Variants in DLGAP2 observed in about 807,000 individuals in gnomAD.
DLGAP2 encodes the protein DLG associated protein 2.
Under a neutral mutation model 100.3 loss-of-function variants are expected in DLGAP2, and 26 were observed. The ratio of observed to expected loss-of-function variants is 0.26; its 90% CI spans 0.19 to 0.36. DLGAP2 has a LOEUF of 0.36. Among genes scored for constraint, DLGAP2 ranks in the 10% least tolerant of loss-of-function variants. The probability of loss-of-function intolerance (pLI) is 1.00; values close to 1 mark genes in which losing one functional copy is unlikely to be tolerated. For missense variants in DLGAP2, 1,858 were observed against 1,453.2 expected, an observed-to-expected ratio of 1.28 and a Z score of -4.53; for synonymous variants, 886 against 630.1, an observed-to-expected ratio of 1.41 and a Z score of -6.08.
chr8:1,051,142 C>T (rs1033206007), intron 2 of DLGAP2, among the ~76,000 whole-genome samples: 2 of 151,738 alleles, frequency 1.3e-5, no homozygotes, highest in Admixed American at 1.3e-4. Context: ...CTGGATGGGA[C>T]AGGGCACAAG....
At chr8:1,143,515 G>A (rs1254448135) in intron 2 of DLGAP2, among the ~76,000 whole-genome samples, 1 of 152,132 alleles carries the variant, frequency 6.6e-6, no homozygotes, top group Non-Finnish European at 1.5e-5. Context: ...GGAACCCACG[G>A]GTGTGGTGGA....
At chr8:1,581,575 C>T (rs1357530826) in intron 6 of DLGAP2, among the ~76,000 whole-genome samples, 4 of 151,106 alleles carry the variant, frequency 2.6e-5, no homozygotes, top group Non-Finnish European at 5.9e-5. Flanking sequence ...ACAGACAAAA[C>T]CCCACACATA....
At chr8:1,168,614 C>T (rs1339894735) in intron 2 of DLGAP2, among the ~76,000 whole-genome samples, 1 of 148,872 alleles carries the variant, frequency 6.7e-6, no homozygotes, top group African/African-American at 2.5e-5. Flanking sequence ...TTTTGATTTG[C>T]ATTTCTCTGA....
chr8:1,251,891 C>T (rs1460506592), intron 2 of DLGAP2, among the ~76,000 whole-genome samples: 6 of 152,252 alleles, frequency 3.9e-5, no homozygotes, highest in Admixed American at 2.6e-4. Flanking sequence ...CCTGTACCCA[C>T]GTCACAGTAT....
intron 6 of DLGAP2, among the ~76,000 whole-genome samples, chr8:1,569,811 G>A (rs1423916943): frequency 6.6e-6 from 1 of 152,056 alleles, no homozygotes; most frequent in Non-Finnish European, 1.5e-5. Flanking sequence ...GGAGGGCAGG[G>A]TAGATCTTCA....
chr8:1,372,474 C>G (rs975757622), intron 3 of DLGAP2, among the ~76,000 whole-genome samples: 2 of 152,194 alleles, frequency 1.3e-5, no homozygotes, highest in Admixed American at 6.5e-5. Flanking sequence ...AGCAGGGCTT[C>G]TCACCCTCAG....
At chr8:1,584,097 G>A (rs920997468) in intron 6 of DLGAP2, among the ~76,000 whole-genome samples, 2 of 152,066 alleles carry the variant, frequency 1.3e-5, no homozygotes, top group East Asian at 3.9e-4. Flanking sequence ...AGCAAGAGCT[G>A]TCTCATTTAT....
At chr8:756,037 G>T (rs1189112256) in intron 1 of DLGAP2, among the ~76,000 whole-genome samples, 1 of 152,244 alleles carries the variant, frequency 6.6e-6, no homozygotes, top group Non-Finnish European at 1.5e-5. Context: ...GTATTTGGCT[G>T]ACAAGGCAGT....
chr8:739,027 C>A (rs1820408727), intron 1 of DLGAP2: 2 of 158,694 alleles, frequency 1.3e-5, no homozygotes, highest in Non-Finnish European at 1.4e-5. Context: ...GAATGGCGAT[C>A]CCGGCCACGG....
intron 1 of DLGAP2, chr8:740,230 C>T (rs1355441269): frequency 6.6e-6 from 1 of 152,172 alleles, no homozygotes; most frequent in African/African-American, 2.4e-5. Flanking sequence ...TTTCTCAGCA[C>T]GAAGATGTTT....
chr8:1,329,030 T>C (rs938512146), intron 3 of DLGAP2, among the ~76,000 whole-genome samples: 3 of 152,224 alleles, frequency 2.0e-5, no homozygotes, highest in Non-Finnish European at 1.5e-5. Context: ...GCTGGGCACA[T>C]GTGTGCTGCT....
At chr8:839,925 G>A (rs971165167) in intron 1 of DLGAP2, among the ~76,000 whole-genome samples, 11 of 150,814 alleles carry the variant, frequency 7.3e-5, no homozygotes, top group African/African-American at 1.2e-4. Context: ...TTCTGCAAGC[G>A]CATCTACACG....
chr8:1,214,858 T>C (rs764595848), intron 2 of DLGAP2, among the ~76,000 whole-genome samples: 5 of 152,248 alleles, frequency 3.3e-5, no homozygotes, highest in Non-Finnish European at 5.9e-5. Flanking sequence ...CATCTGTTGC[T>C]GTTGTTGTGT....
At chr8:966,047 C>G (rs1006033022) in intron 2 of DLGAP2, among the ~76,000 whole-genome samples, 1 of 152,202 alleles carries the variant, frequency 6.6e-6, no homozygotes, top group Non-Finnish European at 1.5e-5. Context: ...CAAGGACAAG[C>G]GCCATTCTTG....
At chr8:1,433,161 C>T (rs979865274) in intron 3 of DLGAP2, among the ~76,000 whole-genome samples, 1 of 152,224 alleles carries the variant, frequency 6.6e-6, no homozygotes, top group Non-Finnish European at 1.5e-5. Flanking sequence ...AGCCCAAAGC[C>T]CCTCCAGGAA....
In DLGAP2 at chr8:1,596,752, G is replaced by A. The variant is rs191828608; in HGVS notation, c.1443-29988G>A. ...TTTTTTTTCTTGTAAATTTGTTAAAGTTCCTTGTAGATTCTGGATATTAGC... is the reference window on the plus strand; with the variant it reads ...TTTTTTTTCTTGTAAATTTGTTAAAATTCCTTGTAGATTCTGGATATTAGC... On this transcript the variant is annotated intron_variant, in intron 6 of 14. Coordinates refer to ENST00000637795, the MANE Select transcript of DLGAP2 (RefSeq NM_001346810.2). Among the ~76,000 whole-genome samples the A allele has an allele frequency of 2.0e-3, 298 of 152,174 alleles. 1 individual carries two copies. Among genetic ancestry groups the A allele is most frequent in the African/African-American group, 6.8e-3 (282 of 41,512 alleles).
At chr8:1,140,504 C>A (rs187059136) in intron 2 of DLGAP2, among the ~76,000 whole-genome samples, 173 of 152,300 alleles carry the variant, frequency 1.1e-3, no homozygotes, top group Non-Finnish European at 1.9e-3. Flanking sequence ...TGCTCAGAGG[C>A]CTCCTGGGGC....
intron 1 of DLGAP2, among the ~76,000 whole-genome samples, chr8:887,629 T>C (rs1366751842): frequency 6.6e-6 from 1 of 152,210 alleles, no homozygotes. Flanking sequence ...CCTTCACTTA[T>C]GAAGCTTAGT....
intron 3 of DLGAP2, among the ~76,000 whole-genome samples, chr8:1,424,600 A>T (rs555747982): frequency 1.3e-5 from 2 of 152,212 alleles, no homozygotes; most frequent in Non-Finnish European, 2.9e-5. Flanking sequence ...TTACCCTAAC[A>T]TGTGGCACTT....
Sources: gnomAD v4.1 joint callset for allele counts (sites outside exome capture counted in the v4.1 genomes callset) on GRCh38, gnomAD v4.1.1 for gene constraint, MANE v1.5 for transcripts, NCBI Gene and HGNC (gene_info 2026-07-23, HGNC 2026-07-21) for gene names.